Variants in LANCL2 observed in about 807,000 individuals in gnomAD.
The protein encoded by LANCL2 is lanC-like protein 2.
LANCL2 carries 33 observed loss-of-function variants against 56.9 expected under a neutral mutation model. The observed-to-expected ratio is 0.58, with a 90% CI of 0.44 to 0.78. LANCL2 has a LOEUF of 0.78. LANCL2 is among the 30% of genes least tolerant of loss of function. The pLI, the probability that LANCL2 is intolerant of heterozygous loss-of-function variation, is 0.00. For synonymous variants in LANCL2, 233 were observed against 228.2 expected (o/e 1.02, Z -0.19); for missense variants, 562 against 580.2 (o/e 0.97, Z 0.32).
intron 1 of LANCL2, among the ~76,000 whole-genome samples, chr7:55,382,977 G>A (rs1790085837): frequency 6.6e-6 from 1 of 152,122 alleles, no homozygotes; most frequent in East Asian, 1.9e-4. Context: ...ATTCCTCTTG[G>A]CCAGCATGGT....
chr7:55,404,438 A>G (rs1790381559), intron 5 of LANCL2, among the ~76,000 whole-genome samples: 1 of 152,300 alleles, frequency 6.6e-6, no homozygotes, highest in East Asian at 1.9e-4. Context: ...TTAAAATTTT[A>G]CTTCAGATTC....
Position 55,366,179 on chromosome 7 carries a change from C to A in LANCL2, c.154C>A (p.Pro52Thr). ...GAAEETGCVRPPATTDEPGLP... is the reference protein window; with the variant it reads ...GAAEETGCVRTPATTDEPGLP... ...GGCCGAAGAGACAGGCTGTGTTCGT[C>A]CCCCGGCGACCACGGATGAGCCCGG... is the stretch of plus-strand genomic sequence containing the variant. Residue 52 changes from proline to threonine, a missense_variant, in exon 1 of 9, where the codon CCC (proline) becomes ACC (threonine). Transcript: ENST00000254770. The A allele has an allele frequency of 1.3e-6, 2 of 1,556,412 alleles. No individual in the cohort carries two copies. Among genetic ancestry groups the A allele is most frequent in the Non-Finnish European group, 1.7e-6 (2 of 1,149,516 alleles).
chr7:55,384,052 A>T (rs1790098385), intron 1 of LANCL2, among the ~76,000 whole-genome samples: 1 of 152,126 alleles, frequency 6.6e-6, no homozygotes, highest in South Asian at 2.1e-4. Flanking sequence ...TTGAAAATAG[A>T]TCAATAGAAA....
At chr7:55,403,444 A>T (rs1790366239) in intron 5 of LANCL2, among the ~76,000 whole-genome samples, 1 of 150,422 alleles carries the variant, frequency 6.6e-6, no homozygotes, top group Non-Finnish European at 1.5e-5. Context: ...AAAGAGAGGG[A>T]GAGGGAGAGG....
At chr7:55,410,716 A>C (rs936265624) in intron 5 of LANCL2, among the ~76,000 whole-genome samples, 1 of 152,230 alleles carries the variant, frequency 6.6e-6, no homozygotes, top group African/African-American at 2.4e-5. Context: ...TGGTGTTAAC[A>C]TGTCACCCTG....
chr7:55,419,682 G>A lies in LANCL2; in HGVS notation c.1009-5572G>A, dbSNP rs1391596487. On this transcript the variant is annotated intron_variant, in intron 6 of 8. Coordinates refer to ENST00000254770, the MANE Select transcript of LANCL2 (RefSeq NM_018697.4). ...CTCCCAAAGTGCTGGGATTACAGGT[G>A]TGAGCCACCACTCTGGCCTCTCTTT... Among the ~76,000 whole-genome samples the A allele has an allele frequency of 2.6e-5, 4 of 152,132 alleles. No individual in the cohort carries two copies. The South Asian group carries it at 6.2e-4, about 24-fold the overall frequency.
rs1790726986 is a variant in LANCL2 at position 55,431,504 on chromosome 7, A to G, written c.*184A>G. 4 of 550,574 alleles carry G rather than the reference A, an allele frequency of 7.3e-6. No individual in the cohort carries two copies. The East Asian group carries it at 9.0e-5, about 12-fold the overall frequency. 34.1% of individuals were successfully genotyped at this position (550,574 alleles called of 1,614,324 possible). On this transcript the variant is annotated 3_prime_UTR_variant, in exon 9 of 9. Coordinates refer to ENST00000254770, the MANE Select transcript of LANCL2 (RefSeq NM_018697.4). Reference sequence around the variant, plus strand: ...ATTTTCTAACAGCACCCTCATCAATATAAAATATGACTTCTTCACATACAG... The same window carrying G: ...ATTTTCTAACAGCACCCTCATCAATGTAAAATATGACTTCTTCACATACAG...
intron 2 of LANCL2, among the ~76,000 whole-genome samples, chr7:55,393,175 T>C (rs1400931158): frequency 2.6e-5 from 4 of 152,214 alleles, no homozygotes; most frequent in Admixed American, 2.6e-4. Context: ...AAGTCCAAAT[T>C]GCTAATGACA....
chr7:55,409,611 G>A (rs1439101526), intron 5 of LANCL2, among the ~76,000 whole-genome samples: 2 of 152,186 alleles, frequency 1.3e-5, no homozygotes, highest in East Asian at 3.9e-4. Flanking sequence ...TCCCATACAA[G>A]ACAGGGGAGC....
chr7:55,403,949 A>G (rs11524163), intron 5 of LANCL2, among the ~76,000 whole-genome samples: 2 of 151,798 alleles, frequency 1.3e-5, no homozygotes, highest in East Asian at 3.9e-4. Flanking sequence ...TCAGGGAGCA[A>G]CAGGGCCTGC....
At chr7:55,420,382 G>A (rs1245036740) in intron 6 of LANCL2, among the ~76,000 whole-genome samples, 2 of 152,086 alleles carry the variant, frequency 1.3e-5, no homozygotes, top group Non-Finnish European at 2.9e-5. Flanking sequence ...TATTTTCATC[G>A]ATTTCTGATT....
At chr7:55,388,153 G>A (rs1790146407) in intron 1 of LANCL2, among the ~76,000 whole-genome samples, 1 of 152,166 alleles carries the variant, frequency 6.6e-6, no homozygotes, top group South Asian at 2.1e-4. Context: ...TAACCAGCTG[G>A]AGTTTTAAAG....
chr7:55,365,644 T>A lies in LANCL2; in HGVS notation c.-382T>A, dbSNP rs1242601251. 1 of 171,268 alleles carries A rather than the reference T, an allele frequency of 5.8e-6. No homozygotes were observed. 10.6% of individuals were successfully genotyped at this position (171,268 alleles called of 1,614,324 possible). A position where few individuals can be genotyped will look rare whatever the true frequency, so the allele number is the denominator to read the frequency against. On this transcript the variant is annotated 5_prime_UTR_variant, in exon 1 of 9. Coordinates refer to ENST00000254770, the MANE Select transcript of LANCL2 (RefSeq NM_018697.4). ...GGAGGGGGCTGGCCGGGCGCAGCGA[T>A]CCCCACCCCGGGACTCCAGCCCCGG...
At chr7:55,385,054 G>A (rs1790109220) in intron 1 of LANCL2, among the ~76,000 whole-genome samples, 1 of 152,180 alleles carries the variant, frequency 6.6e-6, no homozygotes, top group African/African-American at 2.4e-5. Flanking sequence ...AGTTGTGGTG[G>A]TGCACACCTG....
In LANCL2 at chr7:55,431,599, C is replaced by A. The variant is rs1790727792; in HGVS notation, c.*279C>A. The A allele has an allele frequency of 2.9e-6, 1 of 341,988 alleles. No homozygotes were observed. The highest frequency in any genetic ancestry group is 4.6e-5 in the Admixed American group (1 of 21,884). 21.2% of individuals were successfully genotyped at this position (341,988 alleles called of 1,614,324 possible). A position where few individuals can be genotyped will look rare whatever the true frequency, so the allele number is the denominator to read the frequency against. On this transcript the variant is annotated 3_prime_UTR_variant, in exon 9 of 9. Transcript: ENST00000254770. ...GGTGTAAGCTGTTTTAAATGGAAGG[C>A]CCTTCTATTCCTGAGGGCTCAGAGC...
chr7:55,415,373 A>G (rs527621779), intron 6 of LANCL2, among the ~76,000 whole-genome samples: 64 of 152,320 alleles, frequency 4.2e-4, no homozygotes, highest in African/African-American at 1.5e-3. Context: ...AGAGAACTGC[A>G]TTGGGAGTGC....
intron 5 of LANCL2, among the ~76,000 whole-genome samples, chr7:55,409,008 C>T (rs1038721731): frequency 3.4e-5 from 5 of 149,240 alleles, no homozygotes; most frequent in African/African-American, 1.2e-4. Flanking sequence ...AAGAAAAAAA[C>T]AGGTTATGTA....
At chr7:55,384,546 T>C (rs10258035) in intron 1 of LANCL2, among the ~76,000 whole-genome samples, 133,859 of 151,994 alleles carry the variant, frequency 0.88, 59,185 homozygotes, top group African/African-American at 0.91. Flanking sequence ...AGCAAGACTC[T>C]GTCTCTAAAA....
intron 5 of LANCL2, among the ~76,000 whole-genome samples, chr7:55,406,392 G>A (rs1310146218): frequency 6.6e-6 from 1 of 151,782 alleles, no homozygotes; most frequent in Non-Finnish European, 1.5e-5. Flanking sequence ...GAAGATGGGG[G>A]AGCAGTCAGG....
Sources: allele counts gnomAD v4.1 joint callset (sites outside exome capture counted in the v4.1 genomes callset), GRCh38; gene constraint gnomAD v4.1.1; transcripts MANE v1.5; gene names NCBI Gene and HGNC (gene_info 2026-07-23, HGNC 2026-07-21).